The following PPP2R5C variants were observed in gnomAD, a reference collection of about 807,000 sequenced individuals.
The protein encoded by PPP2R5C is serine/threonine-protein phosphatase 2A 56 kDa regulatory subunit gamma isoform.
A neutral mutation model predicts 68.9 loss-of-function variants in PPP2R5C; 7 were observed. That is an observed-to-expected ratio of 0.10 (90% CI 0.06 to 0.19). The LOEUF is 0.19. Ranked by LOEUF, PPP2R5C falls within the 10% of genes least tolerant of loss-of-function variation. PPP2R5C has a pLI of 1.00. For missense variants in PPP2R5C, 348 were observed against 641.3 expected, an observed-to-expected ratio of 0.54 and a Z score of 4.94; for synonymous variants, 210 against 222.2, an observed-to-expected ratio of 0.95 and a Z score of 0.49.
chr14:101,883,643 C>T lies in PPP2R5C; in HGVS notation c.629+81C>T, dbSNP rs1211271391. On this transcript the variant is annotated intron_variant, in intron 5 of 13. Coordinates refer to ENST00000334743, the Ensembl canonical transcript of PPP2R5C. ...TCGATGCTCCCCTACCCCATCGTCTCCTCTGACAGGACTCAGCATGTGGAG... is the reference window on the plus strand; with the variant it reads ...TCGATGCTCCCCTACCCCATCGTCTTCTCTGACAGGACTCAGCATGTGGAG... 4 of 1,517,074 alleles carry T rather than the reference C, an allele frequency of 2.6e-6. No homozygotes were observed. The Admixed American group carries it at 5.6e-5, about 21-fold the overall frequency. The allele number at this position is 1,517,074 out of a possible 1,614,324, so 94.0% of individuals were successfully genotyped here. A position where few individuals can be genotyped will look rare whatever the true frequency, so the allele number is the denominator to read the frequency against.
rs907070080 is a variant in PPP2R5C, at chr14:101,906,056, C to T, written c.1024-346C>T. 1.3e-5 allele frequency among the ~76,000 whole-genome samples: 2 copies of T among 152,200 alleles called. No homozygotes were observed. Among genetic ancestry groups the T allele is most frequent in the Non-Finnish European group, 2.9e-5 (2 of 68,040 alleles). ...GCTGAATGCTCAGCAGAACACAGCA[C>T]GCCCTCTTGACCTGACAGATGGGGG... On this transcript the variant is annotated intron_variant, in intron 9 of 13. Coordinates refer to ENST00000334743, the Ensembl canonical transcript of PPP2R5C. This position sits in a 1 kb window ranked among gnomAD's most constrained non-coding sequence, Gnocchi z 4.0.
At chr14:101,850,334 A>G (rs555212107) in intron 1 of PPP2R5C, among the ~76,000 whole-genome samples, 70 of 152,364 alleles carry the variant, frequency 4.6e-4, no homozygotes, top group African/African-American at 1.6e-3. Flanking sequence ...TCTGTATTGC[A>G]ACAGCAGTTA....
At chr14:101,823,685 C>G in intron 1 of PPP2R5C, 1 of 899,660 alleles carries the variant, frequency 1.1e-6, no homozygotes, top group South Asian at 4.2e-5. Flanking sequence ...TGTCTGAGGT[C>G]CAAGAAGGAG....
At chr14:101,786,311 G>T in intron 3 of PPP2R5C, 128 bp downstream of exon 3, 1 of 836,460 alleles carries the variant, frequency 1.2e-6, no homozygotes, top group Non-Finnish European at 1.7e-6. Context: ...CTGTATTGAG[G>T]GGTTTTTTTT....
chr14:101,849,266 A>G (rs1480676052), intron 1 of PPP2R5C, among the ~76,000 whole-genome samples: 5 of 152,180 alleles, frequency 3.3e-5, no homozygotes, highest in African/African-American at 1.2e-4. Context: ...GTGGTATGCC[A>G]GGAGTGCTGT....
At chr14:101,864,359 T>C (rs1365723530) in intron 2 of PPP2R5C, among the ~76,000 whole-genome samples, 1 of 151,080 alleles carries the variant, frequency 6.6e-6, no homozygotes, top group Non-Finnish European at 1.5e-5. Flanking sequence ...CGCAACCTGG[T>C]GTACTCAATC....
At chr14:101,858,275 T>C (rs2140590503) in intron 2 of PPP2R5C, among the ~76,000 whole-genome samples, 1 of 152,310 alleles carries the variant, frequency 6.6e-6, no homozygotes, top group South Asian at 2.1e-4. Flanking sequence ...AAATCTCTAA[T>C]ATTTTCTCCT....
chr14:101,844,062 C>T lies in PPP2R5C; in HGVS notation c.95-12624C>T, dbSNP rs116794392. ...ATGCACAATTCATCCTTTGCCCCTA[C>T]GATCATTCTTAAAGATAGCTAGTGC... On this transcript the variant is annotated intron_variant, in intron 1 of 13. Transcript: ENST00000334743. 1,228 of 152,992 alleles carry T rather than the reference C, an allele frequency of 8.0e-3. 14 individuals carry two copies. Among genetic ancestry groups the T allele is most frequent in the African/African-American group, 0.027 (1,127 of 41,458 alleles). The allele number at this position is 152,992 out of a possible 1,614,324, so 9.5% of individuals were successfully genotyped here.
In PPP2R5C at chr14:101,901,705, C is replaced by T; in HGVS notation, c.853-14C>T. 6.2e-7 allele frequency: 1 copy of T among 1,612,396 alleles called. No individual in the cohort carries two copies. Among genetic ancestry groups the T allele is most frequent in the Non-Finnish European group, 8.5e-7 (1 of 1,179,676 alleles). On this transcript the variant is annotated splice_polypyrimidine_tract_variant and intron_variant, in intron 8 of 13. Transcript: ENST00000334743. ...CGTGGGCATCAGTCACTCCACGTGT[C>T]ATTTCTTTTGTAGGTGGTGATGGCA...
At chr14:101,836,894 A>G (rs2041137885) in intron 1 of PPP2R5C, among the ~76,000 whole-genome samples, 1 of 152,258 alleles carries the variant, frequency 6.6e-6, no homozygotes, top group Non-Finnish European at 1.5e-5. Flanking sequence ...CGTACAGTCC[A>G]TAGGATGATA....
intron 13 of PPP2R5C, among the ~76,000 whole-genome samples, chr14:101,923,274 TG>T (rs1408793025): frequency 6.6e-6 from 1 of 152,240 alleles, no homozygotes; most frequent in Non-Finnish European, 1.5e-5. Context: ...TCAGAAGCTC[TG>T]GGGTCATGTT....
chr14:101,842,185 C>T lies in PPP2R5C; in HGVS notation c.95-14501C>T, dbSNP rs181758706. ...AATATCAAATCTTTAGGTGACGTATCTTCTCCAGTGGAAAAATGAACCTTT... is the reference window on the plus strand; with the variant it reads ...AATATCAAATCTTTAGGTGACGTATTTTCTCCAGTGGAAAAATGAACCTTT... On this transcript the variant is annotated intron_variant, in intron 1 of 13. Coordinates refer to ENST00000334743, the Ensembl canonical transcript of PPP2R5C. Among the ~76,000 whole-genome samples the T allele has an allele frequency of 7.9e-4, 121 of 152,298 alleles. 2 individuals are homozygous for T. Among genetic ancestry groups the T allele is most frequent in the Admixed American group, 6.5e-3 (100 of 15,292 alleles).
At chr14:101,791,522 G>T (rs1316608686) in intron 3 of PPP2R5C, among the ~76,000 whole-genome samples, 1 of 152,146 alleles carries the variant, frequency 6.6e-6, no homozygotes, top group East Asian at 1.9e-4. Flanking sequence ...ATTATAGTCA[G>T]TAGACATAAG....
upstream of PPP2R5C, among the ~76,000 whole-genome samples, chr14:101,806,426 A>G (rs374638850): frequency 6.6e-5 from 10 of 152,322 alleles, no homozygotes; most frequent in East Asian, 1.2e-3. Flanking sequence ...ATGTCCCTAC[A>G]AAAGACATGA....
At chr14:101,830,401 G>T (rs1187068215) in intron 1 of PPP2R5C, among the ~76,000 whole-genome samples, 2 of 152,200 alleles carry the variant, frequency 1.3e-5, no homozygotes, top group African/African-American at 4.8e-5. Flanking sequence ...ATGCTACATT[G>T]TGCCCTTGGT....
upstream of PPP2R5C, among the ~76,000 whole-genome samples, chr14:101,807,030 G>T (rs185640399): frequency 6.4e-4 from 98 of 152,204 alleles, no homozygotes; most frequent in African/African-American, 2.3e-3. Flanking sequence ...TTGTTCAGAG[G>T]TATTTACATG....
chr14:101,856,660 A>G (rs1342369581), intron 1 of PPP2R5C, 26 bp from the exon 4 acceptor site: 1 of 1,596,350 alleles, frequency 6.3e-7, no homozygotes, highest in Non-Finnish European at 8.6e-7. Context: ...TTTTGTGATC[A>G]ATATACTTTG....
intron 2 of PPP2R5C, among the ~76,000 whole-genome samples, chr14:101,868,541 A>C (rs1313788607): frequency 3.3e-5 from 5 of 152,222 alleles, no homozygotes. Context: ...ATCTGATTAT[A>C]TGATTGTTTC....
intron 3 of PPP2R5C, among the ~76,000 whole-genome samples, chr14:101,793,783 G>A (rs914084134): frequency 3.9e-5 from 6 of 152,034 alleles, no homozygotes; most frequent in African/African-American, 1.5e-4. Context: ...ATTGAAGATG[G>A]TAAATGCAGG....
Sources: allele counts gnomAD v4.1 joint callset (sites outside exome capture counted in the v4.1 genomes callset), GRCh38; gene constraint gnomAD v4.1.1; non-coding constraint Gnocchi (gnomAD v3.1); transcripts MANE v1.5; gene names NCBI Gene and HGNC (gene_info 2026-07-23, HGNC 2026-07-21).